Variants in PRKCE observed in about 807,000 individuals in gnomAD.
PRKCE encodes the protein protein kinase C epsilon type.
A neutral mutation model predicts 85.4 loss-of-function variants in PRKCE; 16 were observed. That is an observed-to-expected ratio of 0.19 (90% confidence interval 0.13 to 0.28). PRKCE has a LOEUF of 0.28. PRKCE is among the 10% of genes least tolerant of loss of function. The probability of loss-of-function intolerance (pLI) is 1.00; values close to 1 mark genes in which losing one functional copy is unlikely to be tolerated. For missense variants in PRKCE, 573 were observed against 975.2 expected (o/e 0.59, Z 5.49); for synonymous variants, 388 against 371.5 (o/e 1.04, Z -0.51).
At chr2:45,732,734 T>C (rs541338533) in intron 1 of PRKCE, among the ~76,000 whole-genome samples, 94 of 152,346 alleles carry the variant, frequency 6.2e-4, no homozygotes, top group African/African-American at 2.2e-3. Flanking sequence ...GGTATTTTCC[T>C]ATTTGTTTAT....
At chr2:45,829,620 G>T (rs898904022) in intron 1 of PRKCE, among the ~76,000 whole-genome samples, 6 of 152,218 alleles carry the variant, frequency 3.9e-5, no homozygotes, top group Non-Finnish European at 5.9e-5. Flanking sequence ...AGAGGGCACA[G>T]GAACCTAGCA....
intron 1 of PRKCE, among the ~76,000 whole-genome samples, chr2:45,795,108 G>T (rs1573386174): frequency 6.6e-6 from 1 of 152,114 alleles, no homozygotes; most frequent in Non-Finnish European, 1.5e-5. Context: ...CCCCACGGGG[G>T]TTTCCAGAGA....
At chr2:46,075,879 A>C (rs1668513250) in intron 10 of PRKCE, among the ~76,000 whole-genome samples, 1 of 152,238 alleles carries the variant, frequency 6.6e-6, no homozygotes, top group African/African-American at 2.4e-5. Context: ...TAGAGGCCTG[A>C]AGCAAAGGTT....
chr2:46,093,370 G>T (rs1388138758), intron 11 of PRKCE, among the ~76,000 whole-genome samples: 1 of 151,280 alleles, frequency 6.6e-6, no homozygotes, highest in Non-Finnish European at 1.5e-5. Context: ...AGATGAATTA[G>T]TTCTACATGG....
chr2:45,744,183 A>T (rs1022151774), intron 1 of PRKCE, among the ~76,000 whole-genome samples: 6 of 152,342 alleles, frequency 3.9e-5, no homozygotes, highest in African/African-American at 1.4e-4. Flanking sequence ...GTCATGAGAC[A>T]TAATAGATAC....
At chr2:45,937,727 A>G (rs1558858880) in intron 2 of PRKCE, among the ~76,000 whole-genome samples, 1 of 152,156 alleles carries the variant, frequency 6.6e-6, no homozygotes, top group Non-Finnish European at 1.5e-5. Context: ...AGAAAAAAAA[A>G]AAGAAAGAAA....
chr2:46,129,692 C>G (rs533644078), intron 11 of PRKCE, among the ~76,000 whole-genome samples: 2 of 152,354 alleles, frequency 1.3e-5, no homozygotes, highest in African/African-American at 4.8e-5. Flanking sequence ...GCCTCGTGTT[C>G]ATGCTGGCTG....
At chr2:45,690,320 A>G (rs758414337) in intron 1 of PRKCE, among the ~76,000 whole-genome samples, 3 of 152,262 alleles carry the variant, frequency 2.0e-5, no homozygotes, top group African/African-American at 2.4e-5. Context: ...TAGTTGTTGC[A>G]AATCACATGT....
intron 2 of PRKCE, among the ~76,000 whole-genome samples, chr2:45,867,024 A>G (rs1214829976): frequency 6.6e-6 from 1 of 152,360 alleles, no homozygotes; most frequent in South Asian, 2.1e-4. Flanking sequence ...GCTAAATCAG[A>G]ATCCTTAGGG....
chr2:46,104,679 G>A (rs1309178317), intron 11 of PRKCE, among the ~76,000 whole-genome samples: 1 of 152,122 alleles, frequency 6.6e-6, no homozygotes, highest in Non-Finnish European at 1.5e-5. Flanking sequence ...GGTTCCAGAT[G>A]GCCAGGGATA....
intron 2 of PRKCE, among the ~76,000 whole-genome samples, chr2:45,866,459 C>T (rs1028837618): frequency 6.6e-6 from 1 of 152,166 alleles, no homozygotes; most frequent in Non-Finnish European, 1.5e-5. Context: ...AGGCGCCGGC[C>T]ACCATGCCTG....
chr2:45,966,375 A>G (rs559411006), intron 2 of PRKCE, among the ~76,000 whole-genome samples: 1 of 152,082 alleles, frequency 6.6e-6, no homozygotes, highest in Non-Finnish European at 1.5e-5. Context: ...CGCATGCGGG[A>G]TACTGTCGTG....
intron 2 of PRKCE, among the ~76,000 whole-genome samples, chr2:45,948,243 G>C (rs1174849596): frequency 6.6e-6 from 1 of 152,150 alleles, no homozygotes; most frequent in Non-Finnish European, 1.5e-5. Flanking sequence ...TTGGCACATA[G>C]ACATACAGAG....
chr2:46,008,293 G>A (rs1290366619), intron 9 of PRKCE, among the ~76,000 whole-genome samples: 2 of 152,184 alleles, frequency 1.3e-5, no homozygotes, highest in Non-Finnish European at 2.9e-5. Flanking sequence ...GTGGTGTGGG[G>A]TGTGGCCTTT....
chr2:45,921,465 G>A (rs755868293), intron 2 of PRKCE, among the ~76,000 whole-genome samples: 1 of 152,226 alleles, frequency 6.6e-6, no homozygotes, highest in Non-Finnish European at 1.5e-5. Flanking sequence ...AGTTTTGCAT[G>A]TATTAGCTTA....
chr2:45,692,949 C>T (rs965188293), intron 1 of PRKCE, among the ~76,000 whole-genome samples: 2 of 152,128 alleles, frequency 1.3e-5, no homozygotes, highest in African/African-American at 4.8e-5. Context: ...TTGGTCTGGC[C>T]TGGGAAGGAA....
chr2:45,798,313 T>C (rs950901070), intron 1 of PRKCE, among the ~76,000 whole-genome samples: 1 of 152,202 alleles, frequency 6.6e-6, no homozygotes, highest in African/African-American at 2.4e-5. Flanking sequence ...TTTAGAGATA[T>C]AGAAACTGAG....
At chr2:46,115,548 C>T (rs141001932) in intron 11 of PRKCE, among the ~76,000 whole-genome samples, 1 of 152,174 alleles carries the variant, frequency 6.6e-6, no homozygotes, top group Non-Finnish European at 1.5e-5. Context: ...AGTGGGGAAG[C>T]CTTTATCATC....
At chr2:45,708,637 A>C (rs929193819) in intron 1 of PRKCE, among the ~76,000 whole-genome samples, 1 of 152,130 alleles carries the variant, frequency 6.6e-6, no homozygotes, top group African/African-American at 2.4e-5. Context: ...TTCTTTTGTT[A>C]ATTGCCCAGC....
Sources: allele counts gnomAD v4.1 joint callset (sites outside exome capture counted in the v4.1 genomes callset), GRCh38; gene constraint gnomAD v4.1.1; transcripts MANE v1.5; gene names NCBI Gene and HGNC (gene_info 2026-07-23, HGNC 2026-07-21).